PLCH2: variants seen among roughly 807,000 people sequenced by gnomAD.
PLCH2 encodes the protein phospholipase C eta 2, also known as 1-phosphatidylinositol 4,5-bisphosphate phosphodiesterase eta-2.
PLCH2 carries 98 observed loss-of-function variants against 134.7 expected under a neutral mutation model. The observed-to-expected ratio is 0.73, with a 90% confidence interval of 0.62 to 0.86. The LOEUF (loss-of-function observed/expected upper bound fraction) is 0.86. Ranked by LOEUF, PLCH2 falls within the 40% of genes least tolerant of loss-of-function variation. The pLI is 0.00. For synonymous variants in PLCH2, 974 were observed against 827.5 expected, an observed-to-expected ratio of 1.18 and a Z score of -3.04; for missense variants, 1,994 against 1,986.6, an observed-to-expected ratio of 1.00 and a Z score of -0.07.
chr1:2,476,246 G>A (rs944906294), upstream of PLCH2: 4 of 224,952 alleles, frequency 1.8e-5, no homozygotes, highest in South Asian at 3.4e-4. Flanking sequence ...GGCTGGAGCT[G>A]GGATTAGCAC....
At chr1:2,499,558 C>A in intron 19 of PLCH2, 83 bp from the exon 20 acceptor site, 1 of 1,074,250 alleles carries the variant, frequency 9.3e-7, no homozygotes, top group Non-Finnish European at 1.4e-6. Context: ...GGTCTTGGGA[C>A]CTTTAAGTAG....
chr1:2,440,881 A>G (rs12033966), intron 2 of PLCH2, among the ~76,000 whole-genome samples: 8,402 of 152,214 alleles, frequency 0.055, 436 homozygotes, highest in East Asian at 0.18. Flanking sequence ...GTGCTTGGCC[A>G]CGTCCCCCCG....
At chr1:2,480,945 C>T (rs1641932302) in intron 4 of PLCH2, among the ~76,000 whole-genome samples, 1 of 152,252 alleles carries the variant, frequency 6.6e-6, no homozygotes, top group Non-Finnish European at 1.5e-5. Flanking sequence ...TGCTGCTTTG[C>T]TGCAGCTTGG....
chr1:2,479,837 C>T lies in PLCH2; in HGVS notation c.375C>T (p.Tyr125=), dbSNP rs375791414. Residue 125 remains tyrosine, a synonymous_variant, in exon 3 of 22, where the codon TAC becomes TAT. Transcript: ENST00000378486. The part of the protein sequence containing the change: ...SFDPNCCFSI[Y]HGSHRESLDL... The stretch of plus-strand genomic sequence containing the variant: ...ACCCCAACTGCTGCTTCAGCATCTA[C>T]CACGGCAGCCACCGCGAGTCGCTGG... The T allele has an allele frequency of 6.8e-6, 11 of 1,608,844 alleles. No individual in the cohort carries two copies. The highest frequency in any genetic ancestry group is 2.2e-5 in the South Asian group (2 of 90,638).
chr1:2,456,276 C>A (rs12037821), intron 2 of PLCH2, among the ~76,000 whole-genome samples: 58 of 152,222 alleles, frequency 3.8e-4, no homozygotes, highest in African/African-American at 8.2e-4. Context: ...CGAGCGCAGC[C>A]CCCCCAGTTC....
chr1:2,419,334 G>A, the PLCH2 span, among the ~76,000 whole-genome samples: 2 of 152,176 alleles, frequency 1.3e-5, no homozygotes, highest in African/African-American at 4.8e-5. Context: ...TGGCTCAGCC[G>A]TGCCATTCCT....
At position 2,476,546 on chromosome 1, in the gene PLCH2, G is replaced by A; in HGVS notation, c.-43G>A. The A allele has an allele frequency of 6.9e-7, 1 of 1,449,584 alleles. No homozygotes were observed. Among genetic ancestry groups the A allele is most frequent in the Non-Finnish European group, 9.0e-7 (1 of 1,105,380 alleles). 89.8% of individuals were successfully genotyped at this position (1,449,584 alleles called of 1,614,324 possible). On this transcript the variant is annotated 5_prime_UTR_variant, in exon 1 of 22. Coordinates refer to ENST00000378486, the MANE Select transcript of PLCH2 (RefSeq NM_014638.4). ...ACCTCCGCTGCCCGAAGGCCGGTGGGCCTCTGTGGCCTCCGTGAAGCAGGC... is the reference window on the plus strand; with the variant it reads ...ACCTCCGCTGCCCGAAGGCCGGTGGACCTCTGTGGCCTCCGTGAAGCAGGC...
intron 19 of PLCH2, 80 bp from the exon 20 acceptor site, chr1:2,499,561 T>G (rs1256454957): frequency 1.2e-5 from 13 of 1,110,278 alleles, no homozygotes; most frequent in African/African-American, 6.2e-5. Context: ...CTTGGGACCT[T>G]TAAGTAGAAT....
intron 2 of PLCH2, among the ~76,000 whole-genome samples, chr1:2,461,459 C>T (rs916954331): frequency 6.6e-6 from 1 of 152,166 alleles, no homozygotes; most frequent in Admixed American, 6.5e-5. Context: ...TGGGACCTGG[C>T]CCCTGGGCAC....
At chr1:2,496,764 A>AT in intron 14 of PLCH2, 60 bp downstream of exon 14, 1 of 1,610,092 alleles carries the variant, frequency 6.2e-7, no homozygotes, top group South Asian at 1.1e-5. Flanking sequence ...CATCCCTGCT[A>AT]TGCTGCTGGG....
In PLCH2 at chr1:2,498,698, G is replaced by A. The variant is rs965045309; in HGVS notation, c.2350-46G>A. ...GAGGGGTGGGAGTTGGGGGCGGGCC[G>A]GGCATCGCGATGGGCCCTGATGCCA... On this transcript the variant is annotated intron_variant, in intron 17 of 21. Coordinates refer to ENST00000378486, the MANE Select transcript of PLCH2 (RefSeq NM_014638.4). The surrounding 1 kb of genome is among the most constrained non-coding windows in gnomAD (Gnocchi z 5.4). 13 of 1,550,670 alleles carry A rather than the reference G, an allele frequency of 8.4e-6. No homozygotes were observed. Among genetic ancestry groups the A allele is most frequent in the Middle Eastern group, 1.8e-4 (1 of 5,436 alleles).
At chr1:2,447,767 C>T (rs1242548601) in intron 2 of PLCH2, among the ~76,000 whole-genome samples, 1 of 152,236 alleles carries the variant, frequency 6.6e-6, no homozygotes, top group Non-Finnish European at 1.5e-5. Context: ...CACTTCGGGG[C>T]AGCTGCTCTC....
upstream of PLCH2, among the ~76,000 whole-genome samples, chr1:2,422,554 G>T (rs908251561): frequency 6.6e-6 from 1 of 152,192 alleles, no homozygotes; most frequent in African/African-American, 2.4e-5. Context: ...TGGATGAATG[G>T]TAGAGTTTCT....
upstream of PLCH2, among the ~76,000 whole-genome samples, chr1:2,463,057 C>T (rs1162375263): frequency 6.6e-6 from 1 of 152,218 alleles, no homozygotes; most frequent in Non-Finnish European, 1.5e-5. Flanking sequence ...GCTGTCAGCA[C>T]CGTCTCGTCA....
Position 2,504,058 on chromosome 1 carries a change from A to G in PLCH2, c.3096A>G (p.Pro1032=), listed in dbSNP as rs1570510556. 3.2e-6 allele frequency: 5 copies of G among 1,548,348 alleles called. No homozygotes were observed. The East Asian group carries it at 1.2e-4, about 38-fold the overall frequency. ...CCAGCTCTTCTCAGGGACGGCCCCCATACCCCACAGGACCCGGAGCCAATG... is the reference window on the plus strand; with the variant it reads ...CCAGCTCTTCTCAGGGACGGCCCCCGTACCCCACAGGACCCGGAGCCAATG... ...VPTSSSQGRP[P]YPTGPGANVA... is the part of the protein sequence containing the mutation. Residue 1032 remains proline, a synonymous_variant, in exon 22 of 22, where the codon CCA becomes CCG. Transcript: ENST00000378486.
intron 20 of PLCH2, 65 bp downstream of exon 20, chr1:2,499,785 C>T (rs948366118): frequency 7.9e-7 from 1 of 1,263,962 alleles, no homozygotes; most frequent in Non-Finnish European, 1.1e-6. Flanking sequence ...TGTCCCATGC[C>T]CCCCCATGTG....
intron 1 of PLCH2, among the ~76,000 whole-genome samples, chr1:2,470,253 G>A (rs184393092): frequency 8.1e-4 from 123 of 152,316 alleles, no homozygotes; most frequent in Non-Finnish European, 1.2e-3. Context: ...CTCAGGGGCA[G>A]CCCTGTGCCC....
rs553991237 is a variant in PLCH2 at position 2,505,172 on chromosome 1, G to C, written c.4210G>C (p.Ala1404Pro). The C allele has an allele frequency of 3.8e-6, 6 of 1,570,638 alleles. No individual in the cohort carries two copies. In the African/African-American group the frequency reaches 5.4e-5, roughly 14 times the overall value. Residue 1404 changes from alanine (A) to proline (P), a missense_variant, in exon 22 of 22, where the codon GCA (alanine) becomes CCA (proline). This residue lies in a region of PLCH2 where 900 missense variants were observed against 752.3 expected (regional missense o/e 1.20). Coordinates refer to ENST00000378486, the MANE Select transcript of PLCH2 (RefSeq NM_014638.4). ...ACCCTCCAAGGGAGCCCTCGGGCCAGCATCCGCGGCTGCTGAAAACCTGGT... is the reference window on the plus strand; with the variant it reads ...ACCCTCCAAGGGAGCCCTCGGGCCACCATCCGCGGCTGCTGAAAACCTGGT... ...PAPSKGALGP[A>P]SAAAENLVLL...
chr1:2,491,425 T>A (rs1570453343), intron 11 of PLCH2, 90 bp downstream of exon 11: 13 of 1,349,776 alleles, frequency 9.6e-6, no homozygotes, highest in Non-Finnish European at 1.3e-5. Flanking sequence ...ACGTATGCTC[T>A]GTGCGCACTC....
Sources: gnomAD v4.1 joint callset for allele counts (sites outside exome capture counted in the v4.1 genomes callset) on GRCh38, gnomAD v4.1.1 for gene constraint, gnomAD v4.1.1 regional missense constraint, Gnocchi (gnomAD v3.1) non-coding constraint, MANE v1.5 for transcripts, NCBI Gene and HGNC (gene_info 2026-07-23, HGNC 2026-07-21) for gene names.